TRPM3: variants seen among roughly 807,000 people sequenced by gnomAD.
TRPM3 encodes transient receptor potential cation channel subfamily M member 3.
Under a neutral mutation model 181.2 loss-of-function variants are expected in TRPM3, and 77 were observed. The ratio of observed to expected loss-of-function variants is 0.42; its 90% confidence interval spans 0.35 to 0.51. TRPM3 has a LOEUF of 0.51. TRPM3 is among the 20% of genes least tolerant of loss of function. TRPM3 has a pLI of 0.01. For missense variants in TRPM3, 1,759 were observed against 2,196.7 expected (o/e 0.80, Z 3.98); for synonymous variants, 745 against 796.4 (o/e 0.94, Z 1.09).
In TRPM3 at chr9:70,892,355, A is replaced by C. The variant is rs538676495; in HGVS notation, c.178-27844T>G. 3.9e-5 allele frequency among the ~76,000 whole-genome samples: 6 copies of C among 152,240 alleles called. No individual in the cohort carries two copies. The South Asian group carries it at 1.2e-3, about 32-fold the overall frequency. ...TCTGTAAATTCGTAGAAATACCTAGAAATAGGGTGATTACTCTAGATCAGC... is the reference window on the plus strand; with the variant it reads ...TCTGTAAATTCGTAGAAATACCTAGCAATAGGGTGATTACTCTAGATCAGC... On this transcript the variant is annotated intron_variant, in intron 1 of 25. Transcript: ENST00000677713.
chr9:71,096,666 A>G (rs1428789409), intron 1 of TRPM3, among the ~76,000 whole-genome samples: 2 of 150,814 alleles, frequency 1.3e-5, no homozygotes, highest in Non-Finnish European at 2.9e-5. Flanking sequence ...GGTACAAGGT[A>G]CAAGAACCTA....
intron 7 of TRPM3, among the ~76,000 whole-genome samples, chr9:70,778,784 T>G (rs1441649462): frequency 6.6e-6 from 1 of 151,930 alleles, no homozygotes; most frequent in Non-Finnish European, 1.5e-5. Flanking sequence ...ATGATAAGGG[T>G]TTGACACCCT....
intron 1 of TRPM3, among the ~76,000 whole-genome samples, chr9:71,182,960 C>A (rs569243082): frequency 6.6e-6 from 1 of 151,906 alleles, no homozygotes; most frequent in Non-Finnish European, 1.5e-5. Flanking sequence ...CCATGCCCAG[C>A]GTATTGAAAA....
chr9:70,964,019 T>C (rs1454539995), intron 1 of TRPM3, among the ~76,000 whole-genome samples: 3 of 152,154 alleles, frequency 2.0e-5, no homozygotes, highest in Non-Finnish European at 2.9e-5. Flanking sequence ...TTAAATTTCA[T>C]AGAGTTTTCT....
At chr9:70,828,271 T>G (rs966375279) in intron 5 of TRPM3, among the ~76,000 whole-genome samples, 1 of 152,212 alleles carries the variant, frequency 6.6e-6, no homozygotes, top group Non-Finnish European at 1.5e-5. Context: ...GAGATGGTGC[T>G]CTCATTGTAC....
chr9:71,379,191 T>TA (rs556984863), intron 1 of TRPM3, among the ~76,000 whole-genome samples: 3 of 152,164 alleles, frequency 2.0e-5, no homozygotes, highest in Non-Finnish European at 4.4e-5. Context: ...TAGGAAAATA[T>TA]AAACGCTTAA....
chr9:70,555,279 C>T (rs1040327819), intron 22 of TRPM3, among the ~76,000 whole-genome samples: 3 of 152,342 alleles, frequency 2.0e-5, no homozygotes, highest in East Asian at 1.9e-4. Context: ...CTGCCCCATC[C>T]AGTAAGGACT....
intron 22 of TRPM3, among the ~76,000 whole-genome samples, chr9:70,580,410 AC>A (rs1434996256): frequency 6.6e-6 from 1 of 152,058 alleles, no homozygotes; most frequent in Non-Finnish European, 1.5e-5. Context: ...ATGAATACAG[AC>A]CCTGGCCCCA....
At chr9:70,802,750 G>A (rs908302019) in intron 6 of TRPM3, among the ~76,000 whole-genome samples, 1 of 152,074 alleles carries the variant, frequency 6.6e-6, no homozygotes, top group Non-Finnish European at 1.5e-5. Context: ...AAACAAACAT[G>A]CTACGATTCG....
At chr9:70,865,489 A>G (rs2095630890) in intron 1 of TRPM3, 1 of 152,094 alleles carries the variant, frequency 6.6e-6, no homozygotes, top group Non-Finnish European at 1.5e-5. Flanking sequence ...CAGCATCAGT[A>G]CTAAATTCAT....
At chr9:70,589,474 T>A (rs1347688160) in intron 22 of TRPM3, among the ~76,000 whole-genome samples, 1 of 152,178 alleles carries the variant, frequency 6.6e-6, no homozygotes, top group Non-Finnish European at 1.5e-5. Context: ...ATAATGTAAC[T>A]AAGTGGAAAA....
intron 1 of TRPM3, among the ~76,000 whole-genome samples, chr9:71,216,707 G>C (rs2079888571): frequency 6.6e-6 from 1 of 152,104 alleles, no homozygotes; most frequent in South Asian, 2.1e-4. Context: ...TTTTAGAGAA[G>C]GGATGAACTT....
At position 71,121,436 on chromosome 9, in the gene TRPM3, T is replaced by C. The variant is rs2073628464; in HGVS notation, c.-82A>G. On this transcript the variant is annotated 5_prime_UTR_variant, in exon 1 of 26. Coordinates refer to ENST00000677713, the MANE Select transcript of TRPM3 (RefSeq NM_001366145.2). The stretch of plus-strand genomic sequence containing the variant: ...GGAAGACTAGTCAAGTAGCCTTGCC[T>C]GAGCCCCTGAACCTTCTTAAAACAG... 1 of 1,523,926 alleles carries C rather than the reference T, an allele frequency of 6.6e-7. No homozygotes were observed. The highest frequency in any genetic ancestry group is 1.3e-5 in the South Asian group (1 of 76,554). 94.4% of individuals were successfully genotyped at this position (1,523,926 alleles called of 1,614,324 possible). A position where few individuals can be genotyped will look rare whatever the true frequency, so the allele number is the denominator to read the frequency against.
At chr9:71,086,661 A>G (rs509348) in intron 1 of TRPM3, among the ~76,000 whole-genome samples, 34,859 of 151,862 alleles carry the variant, frequency 0.23, 4,712 homozygotes, top group East Asian at 0.32. Context: ...TGCAGTGCAA[A>G]CTTTCTATGC....
chr9:70,916,993 G>T (rs2096602469), intron 1 of TRPM3: 1 of 1,536,340 alleles, frequency 6.5e-7, no homozygotes, highest in African/African-American at 1.4e-5. Context: ...GCCTGGAGGA[G>T]TTAGAAGTCC....
At chr9:71,429,680 C>G (rs544135442) in intron 1 of TRPM3, among the ~76,000 whole-genome samples, 8 of 152,276 alleles carry the variant, frequency 5.3e-5, no homozygotes, top group African/African-American at 1.9e-4. Flanking sequence ...TACTGCAAAG[C>G]CTAGGGTTGT....
chr9:71,053,092 GAAAAAAAAAAAAAAA>G (rs36015552), intron 1 of TRPM3, among the ~76,000 whole-genome samples: 3 of 62,460 alleles, frequency 4.8e-5, no homozygotes, highest in Non-Finnish European at 8.6e-5. Context: ...CCATCCTAAG[GAAAAAAAAAAAAAAA>G]AAAAAAAAAA....
At chr9:71,161,562 C>T (rs1587714798) in intron 1 of TRPM3, among the ~76,000 whole-genome samples, 2 of 152,054 alleles carry the variant, frequency 1.3e-5, no homozygotes, top group East Asian at 3.9e-4. Flanking sequence ...AAGGGCTTTG[C>T]TGGGTTAAAA....
intron 1 of TRPM3, among the ~76,000 whole-genome samples, chr9:71,358,968 A>G (rs2132714216): frequency 6.6e-6 from 1 of 152,336 alleles, no homozygotes; most frequent in Admixed American, 6.5e-5. Context: ...ATGGTTCTTT[A>G]CGCATCAAAA....
Sources: gnomAD v4.1 joint callset for allele counts (sites outside exome capture counted in the v4.1 genomes callset) on GRCh38, gnomAD v4.1.1 for gene constraint, MANE v1.5 for transcripts, NCBI Gene and HGNC (gene_info 2026-07-23, HGNC 2026-07-21) for gene names.